NMNAT2: variants seen among roughly 807,000 people sequenced by gnomAD.
The protein encoded by NMNAT2 is nicotinamide/nicotinic acid mononucleotide adenylyltransferase 2.
NMNAT2 carries 11 observed loss-of-function variants against 41.6 expected under a neutral mutation model. The observed-to-expected ratio is 0.26, with a 90% confidence interval of 0.17 to 0.44. NMNAT2 has a LOEUF of 0.44. Among genes scored for constraint, NMNAT2 ranks in the 20% least tolerant of loss-of-function variants. The pLI is 1.00. For synonymous variants in NMNAT2, 148 were observed against 151.2 expected (o/e 0.98, Z 0.16); for missense variants, 288 against 407.7 (o/e 0.71, Z 2.53).
chr1:183,324,463 C>T (rs1662419616), intron 1 of NMNAT2, among the ~76,000 whole-genome samples: 1 of 152,150 alleles, frequency 6.6e-6, no homozygotes. Flanking sequence ...CATACTATTT[C>T]CTTTACTTAA....
chr1:183,360,260 A>G (rs768356612), intron 1 of NMNAT2, among the ~76,000 whole-genome samples: 1 of 152,164 alleles, frequency 6.6e-6, no homozygotes, highest in Admixed American at 6.5e-5. Context: ...AGGAAGCCAG[A>G]TTTCAGCCAA....
chr1:183,399,329 C>G (rs1030883566), intron 1 of NMNAT2, among the ~76,000 whole-genome samples: 1 of 152,086 alleles, frequency 6.6e-6, no homozygotes, highest in Admixed American at 6.5e-5. Context: ...GGATAAATTC[C>G]TAGACATATA....
chr1:183,338,807 A>G (rs2788053), intron 1 of NMNAT2, among the ~76,000 whole-genome samples: 108,808 of 152,048 alleles, frequency 0.72, 39,070 homozygotes, highest in East Asian at 0.9. Flanking sequence ...GACCACTACA[A>G]TGAGACAGTG....
intron 1 of NMNAT2, among the ~76,000 whole-genome samples, chr1:183,303,560 G>A (rs1661919400): frequency 1.3e-5 from 2 of 152,226 alleles, no homozygotes; most frequent in Non-Finnish European, 2.9e-5. Context: ...TAAGGTGAGT[G>A]CTTATTCGAT....
chr1:183,405,017 T>G (rs909210591), intron 1 of NMNAT2, among the ~76,000 whole-genome samples: 6 of 152,036 alleles, frequency 3.9e-5, no homozygotes, highest in African/African-American at 1.5e-4. Context: ...GTCCAGGAGT[T>G]CGAGACCAGC....
At chr1:183,273,630 T>C (rs1661040610) in intron 8 of NMNAT2, among the ~76,000 whole-genome samples, 1 of 152,168 alleles carries the variant, frequency 6.6e-6, no homozygotes, top group South Asian at 2.1e-4. Flanking sequence ...AGATCCAACC[T>C]TCCCCAAATA....
chr1:183,327,468 C>T (rs1046060301), intron 1 of NMNAT2, among the ~76,000 whole-genome samples: 5 of 152,212 alleles, frequency 3.3e-5, no homozygotes, highest in Non-Finnish European at 5.9e-5. Flanking sequence ...CAATCCAGTA[C>T]GCCAAAAGGG....
chr1:183,324,752 C>A (rs1464191040), intron 1 of NMNAT2, among the ~76,000 whole-genome samples: 1 of 152,162 alleles, frequency 6.6e-6, no homozygotes, highest in Non-Finnish European at 1.5e-5. Context: ...TTTATCTCAG[C>A]ACCTTACTGC....
chr1:183,266,612 A>G (rs1308157429), intron 8 of NMNAT2: 2 of 155,796 alleles, frequency 1.3e-5, no homozygotes, highest in Admixed American at 6.5e-5. Context: ...TATGTTCCAT[A>G]TAAGAAATAA....
chr1:183,370,909 G>A (rs1663523706), intron 1 of NMNAT2, among the ~76,000 whole-genome samples: 1 of 152,196 alleles, frequency 6.6e-6, no homozygotes, highest in African/African-American at 2.4e-5. Context: ...GCCTCAGGGA[G>A]GGTTGAGGAT....
chr1:183,286,250 GTTATTA>G (rs948725116), intron 5 of NMNAT2, among the ~76,000 whole-genome samples: 3 of 151,228 alleles, frequency 2.0e-5, no homozygotes, highest in Non-Finnish European at 4.4e-5. Context: ...TTTTGTTATT[GTTATTA>G]TTATTATTAT....
chr1:183,416,409 G>A (rs1649253806), intron 1 of NMNAT2, among the ~76,000 whole-genome samples: 1 of 152,148 alleles, frequency 6.6e-6, no homozygotes, highest in Non-Finnish European at 1.5e-5. Flanking sequence ...GGAGTAAAGC[G>A]CATCAACATA....
chr1:183,344,216 G>A (rs1043966561), intron 1 of NMNAT2, among the ~76,000 whole-genome samples: 2 of 152,110 alleles, frequency 1.3e-5, no homozygotes, highest in Admixed American at 6.6e-5. Context: ...TGCTGAATGC[G>A]ATTAATTCTC....
In NMNAT2 at chr1:183,251,709, G is replaced by A. The variant is rs1660385495; in HGVS notation, c.*932C>T. The A allele has an allele frequency of 6.5e-6, 1 of 152,938 alleles. No individual in the cohort carries two copies. Among genetic ancestry groups the A allele is most frequent in the Admixed American group, 6.5e-5 (1 of 15,284 alleles). The allele number at this position is 152,938 out of a possible 1,614,324, so 9.5% of individuals were successfully genotyped here. On this transcript the variant is annotated 3_prime_UTR_variant, in exon 11 of 11. Coordinates refer to ENST00000287713, the MANE Select transcript of NMNAT2 (RefSeq NM_015039.4). ...TGCCACCAGGAAATGAGGATGGACT[G>A]GCTCTGTGTGATCATAAGCTCAGAG... is the stretch of plus-strand genomic sequence containing the variant.
intron 1 of NMNAT2, among the ~76,000 whole-genome samples, chr1:183,295,294 A>C (rs1399460065): frequency 6.6e-6 from 1 of 152,172 alleles, no homozygotes; most frequent in Non-Finnish European, 1.5e-5. Context: ...GAGCCACGGC[A>C]CTTGGCTGCT....
intron 1 of NMNAT2, among the ~76,000 whole-genome samples, chr1:183,339,413 G>A (rs2485929): frequency 0.71 from 107,452 of 151,994 alleles, 38,120 homozygotes; most frequent in East Asian, 0.9. Context: ...ACATTTTTAA[G>A]TCCTCAGGGA....
chr1:183,403,015 A>G (rs1319906201), intron 1 of NMNAT2, among the ~76,000 whole-genome samples: 1 of 150,632 alleles, frequency 6.6e-6, no homozygotes, highest in Non-Finnish European at 1.5e-5. Flanking sequence ...CTCACTGCAA[A>G]CTCCGCCTCC....
chr1:183,382,443 T>C, intron 1 of NMNAT2, among the ~76,000 whole-genome samples: 1 of 152,166 alleles, frequency 6.6e-6, no homozygotes. Context: ...TCATCACTTT[T>C]CTACAATCCC....
intron 1 of NMNAT2, among the ~76,000 whole-genome samples, chr1:183,359,756 A>G (rs1166860074): frequency 6.6e-6 from 1 of 152,204 alleles, no homozygotes; most frequent in Non-Finnish European, 1.5e-5. Context: ...CGTGTGGCTC[A>G]GAGTCCAGTG....
Sources: allele counts gnomAD v4.1 joint callset (sites outside exome capture counted in the v4.1 genomes callset), GRCh38; gene constraint gnomAD v4.1.1; transcripts MANE v1.5; gene names NCBI Gene and HGNC (gene_info 2026-07-23, HGNC 2026-07-21).